RTRAF: variants seen among roughly 807,000 people sequenced by gnomAD.
RTRAF encodes the protein RNA transcription, translation and transport factor.
RTRAF carries 14 observed loss-of-function variants against 34.4 expected under a neutral mutation model. The ratio of observed to expected loss-of-function variants is 0.41; its 90% confidence interval spans 0.27 to 0.64. The LOEUF is 0.64. Ranked by LOEUF, RTRAF falls within the 30% of genes least tolerant of loss-of-function variation. The pLI is 0.34. For missense variants in RTRAF, 291 were observed against 288.4 expected (o/e 1.01, Z -0.06); for synonymous variants, 96 against 95.3 (o/e 1.01, Z -0.04).
chr14:51,989,569 G>C lies in RTRAF; in HGVS notation c.-71G>C. The C allele has an allele frequency of 6.7e-7, 1 of 1,503,230 alleles. No individual in the cohort carries two copies. The highest frequency in any genetic ancestry group is 9.0e-7 in the Non-Finnish European group (1 of 1,111,238). 93.1% of individuals were successfully genotyped at this position (1,503,230 alleles called of 1,614,324 possible). On this transcript the variant is annotated 5_prime_UTR_variant, in exon 1 of 8. Transcript: ENST00000261700. Reference sequence around the variant, plus strand: ...CCCTCTCGCCGCGTCGCCGGTGCCTGCGCCTCCCGCTCCACCTCGCTTCTT... The same window carrying C: ...CCCTCTCGCCGCGTCGCCGGTGCCTCCGCCTCCCGCTCCACCTCGCTTCTT...
At chr14:52,003,007 C>G (rs1461451591) in intron 6 of RTRAF, among the ~76,000 whole-genome samples, 1 of 152,166 alleles carries the variant, frequency 6.6e-6, no homozygotes, top group Non-Finnish European at 1.5e-5. Flanking sequence ...ATCATTCATT[C>G]ATTCATTCCT....
chr14:52,008,071 T>A lies in RTRAF; in HGVS notation c.*3555T>A. On this transcript the variant is annotated 3_prime_UTR_variant, in exon 8 of 8. Coordinates refer to ENST00000261700, the MANE Select transcript of RTRAF (RefSeq NM_016039.3). ...CTCCATCTCCTCATGTATTATAGCC[T>A]TAAGCAATCCCCTTGAGTTTGGGCT... 1.1e-6 allele frequency: 1 copy of A among 889,126 alleles called. No individual in the cohort carries two copies. Among genetic ancestry groups the A allele is most frequent in the Non-Finnish European group, 1.7e-6 (1 of 584,768 alleles). The allele number at this position is 889,126 out of a possible 1,614,324, so 55.1% of individuals were successfully genotyped here. A position where few individuals can be genotyped will look rare whatever the true frequency, so the allele number is the denominator to read the frequency against.
In RTRAF at chr14:52,009,027, T is replaced by G. The variant is rs571832579; in HGVS notation, c.*4511T>G. 1 of 152,350 alleles carries G rather than the reference T, an allele frequency of 6.6e-6. No homozygotes were observed. Among genetic ancestry groups the G allele is most frequent in the African/African-American group, 2.4e-5 (1 of 41,580 alleles). The allele number at this position is 152,350 out of a possible 1,614,324, so 9.4% of individuals were successfully genotyped here. A position where few individuals can be genotyped will look rare whatever the true frequency, so the allele number is the denominator to read the frequency against. On this transcript the variant is annotated 3_prime_UTR_variant, in exon 8 of 8. Coordinates refer to ENST00000261700, the MANE Select transcript of RTRAF (RefSeq NM_016039.3). ...AGCAGAAATAATGTTGAAAGCACTT[T>G]TTATAAAATACTATTTTATAAAAGC...
At chr14:51,994,368 A>G (rs1277669302) in intron 3 of RTRAF, among the ~76,000 whole-genome samples, 1 of 152,206 alleles carries the variant, frequency 6.6e-6, no homozygotes, top group Non-Finnish European at 1.5e-5. Flanking sequence ...ATCTAAATGC[A>G]AGATTTGATT....
At chr14:51,993,525 G>A (rs957053830) in intron 2 of RTRAF, among the ~76,000 whole-genome samples, 198 bp from the exon 3 acceptor site, 5 of 152,028 alleles carry the variant, frequency 3.3e-5, no homozygotes, top group Admixed American at 2.0e-4. Context: ...GGAAGTTGTC[G>A]TATTCTATTT....
intron 6 of RTRAF, 88 bp downstream of exon 6, chr14:52,001,954 G>C: frequency 8.8e-7 from 1 of 1,130,748 alleles, no homozygotes; most frequent in South Asian, 1.5e-5. Flanking sequence ...ATCTGTTTAA[G>C]ATATCCATTC....
chr14:52,005,480 C>T lies in RTRAF; in HGVS notation c.*964C>T. ...AAACTCCAAGTCTTCCTTTACATTACTGTACTTACTTTCTTCCTGTGAGAG... is the reference window on the plus strand; with the variant it reads ...AAACTCCAAGTCTTCCTTTACATTATTGTACTTACTTTCTTCCTGTGAGAG... On this transcript the variant is annotated 3_prime_UTR_variant, in exon 8 of 8. Coordinates refer to ENST00000261700, the MANE Select transcript of RTRAF (RefSeq NM_016039.3). 2.5e-6 allele frequency: 4 copies of T among 1,595,616 alleles called. No individual in the cohort carries two copies. The highest frequency in any genetic ancestry group is 3.4e-6 in the Non-Finnish European group (4 of 1,172,984).
Position 52,006,318 on chromosome 14 carries a change from AT to A in RTRAF, c.*1803del, listed in dbSNP as rs1890780165. ...CTACTTTTTAAGCTATATGTGAGCAATACCATTCGATTTCTGGGTGAAGTAA... is the reference window on the plus strand; with the variant it reads ...CTACTTTTTAAGCTATATGTGAGCAAACCATTCGATTTCTGGGTGAAGTAA... On this transcript the variant is annotated 3_prime_UTR_variant, in exon 8 of 8. Coordinates refer to ENST00000261700, the MANE Select transcript of RTRAF (RefSeq NM_016039.3). The A allele has an allele frequency of 3.8e-6, 2 of 523,238 alleles. No individual in the cohort carries two copies. The highest frequency in any genetic ancestry group is 3.3e-5 in the Admixed American group (1 of 29,900). 32.4% of individuals were successfully genotyped at this position (523,238 alleles called of 1,614,324 possible).
In RTRAF at chr14:51,997,169, G is replaced by T. The variant is rs187492615; in HGVS notation, c.287-1325G>T. Among the ~76,000 whole-genome samples the T allele has an allele frequency of 7.2e-5, 11 of 152,056 alleles. No individual in the cohort carries two copies. The East Asian group carries it at 2.1e-3, about 29-fold the overall frequency. ...TGTAATAAATATATCTTGTGGGGAG[G>T]TACTTTGAGACTGTATCAATTATGT... On this transcript the variant is annotated intron_variant, in intron 3 of 7. Transcript: ENST00000261700.
chr14:51,991,500 T>G, intron 2 of RTRAF, 59 bp downstream of exon 2: 1 of 1,526,336 alleles, frequency 6.6e-7, no homozygotes, highest in African/African-American at 1.4e-5. Flanking sequence ...ATCATGAAGA[T>G]GAGCTTAAAA....
At position 52,004,356 on chromosome 14, in the gene RTRAF, A is replaced by AAACAGATGCAGTTCT; in HGVS notation, c.581-5_590dup. ...ATTGAAGCAGTGTTCTTTTCTCATAAAACAGATGCAGTTCTTAATGAAGCT... is the reference window on the plus strand; with the variant it reads ...ATTGAAGCAGTGTTCTTTTCTCATAAAACAGATGCAGTTCTAACAGATGCAGTTCTTAATGAAGCT... On this transcript the variant is annotated splice_region_variant and splice_polypyrimidine_tract_variant and intron_variant, in intron 7 of 7. Coordinates refer to ENST00000261700, the MANE Select transcript of RTRAF (RefSeq NM_016039.3). 1 of 1,613,012 alleles carries AAACAGATGCAGTTCT rather than the reference A, an allele frequency of 6.2e-7. No homozygotes were observed. Among genetic ancestry groups the AAACAGATGCAGTTCT allele is most frequent in the Non-Finnish European group, 8.5e-7 (1 of 1,179,564 alleles).
At chr14:51,998,385 G>C (rs1405303878) in intron 3 of RTRAF, 109 bp from the exon 4 acceptor site, 1 of 592,132 alleles carries the variant, frequency 1.7e-6, no homozygotes, top group Non-Finnish European at 2.9e-6. Context: ...TTTCCAGTAA[G>C]GGAAACTCAA....
chr14:52,005,963 C>G lies in RTRAF; in HGVS notation c.*1447C>G. On this transcript the variant is annotated 3_prime_UTR_variant, in exon 8 of 8. Coordinates refer to ENST00000261700, the MANE Select transcript of RTRAF (RefSeq NM_016039.3). ...GAAAATTTCTGGCAGCCTTCTCTGT[C>G]CCAGGGCTGGTGCTAAAGCCATACT... The G allele has an allele frequency of 2.8e-6, 2 of 727,016 alleles. No homozygotes were observed. The highest frequency in any genetic ancestry group is 4.8e-6 in the Non-Finnish European group (2 of 412,440). 45.0% of individuals were successfully genotyped at this position (727,016 alleles called of 1,614,324 possible). A position where few individuals can be genotyped will look rare whatever the true frequency, so the allele number is the denominator to read the frequency against.
rs1890714313 is a variant in RTRAF at position 52,005,198 on chromosome 14, T to TAAATATTAATGATAAATGTTTA, written c.*683_*704dup. ...TCTTAGTTGAATGAATTTGATCTTT[T>TAAATATTAATGATAAATGTTTA]AAATATTAATGATAAATGTTTACAA... is the stretch of plus-strand genomic sequence containing the variant. On this transcript the variant is annotated 3_prime_UTR_variant, in exon 8 of 8. Coordinates refer to ENST00000261700, the MANE Select transcript of RTRAF (RefSeq NM_016039.3). The TAAATATTAATGATAAATGTTTA allele has an allele frequency of 6.8e-6, 2 of 296,074 alleles. No individual in the cohort carries two copies. The highest frequency in any genetic ancestry group is 2.2e-5 in the African/African-American group (1 of 46,280). The allele number at this position is 296,074 out of a possible 1,614,324, so 18.3% of individuals were successfully genotyped here.
Position 52,007,883 on chromosome 14 carries a change from G to T in RTRAF, c.*3367G>T. On this transcript the variant is annotated 3_prime_UTR_variant, in exon 8 of 8. Transcript: ENST00000261700. Reference sequence around the variant, plus strand: ...CATTGGGCAATCCAATGTCTGTATTGATCAGAATTCTTCTGTTTTCTCCAT... The same window carrying T: ...CATTGGGCAATCCAATGTCTGTATTTATCAGAATTCTTCTGTTTTCTCCAT... 6.2e-7 allele frequency: 1 copy of T among 1,613,786 alleles called. No individual in the cohort carries two copies. Among genetic ancestry groups the T allele is most frequent in the South Asian group, 1.1e-5 (1 of 91,032 alleles).
In RTRAF at chr14:51,999,734, G is replaced by A; in HGVS notation, c.400G>A (p.Val134Met). ...DVNNPDFKAG[V>M]MALANLLQIQ... is the part of the protein sequence containing the mutation. ...AAATAATCCTGATTTTAAGGCTGGT[G>A]TGATGGCTTTGGCTAACCTGCTTCA... The change falls in exon 5 of 8, where the codon GTG (valine) becomes ATG (methionine). Residue 134 changes from valine (V) to methionine (M), a missense_variant. Physicochemically the swap from Val to Met is conservative, Grantham distance 21. Transcript: ENST00000261700. The A allele has an allele frequency of 6.2e-7, 1 of 1,610,166 alleles. No homozygotes were observed. The highest frequency in any genetic ancestry group is 8.5e-7 in the Non-Finnish European group (1 of 1,177,154).
At chr14:51,993,112 CAGTA>C (rs57358451) in intron 2 of RTRAF, among the ~76,000 whole-genome samples, 25,230 of 152,012 alleles carry the variant, frequency 0.17, 2,462 homozygotes, top group Middle Eastern at 0.22. Context: ...CCTGGAATGA[CAGTA>C]AGAATAATTT....
chr14:51,990,860 C>G (rs1245590131), intron 1 of RTRAF, among the ~76,000 whole-genome samples: 1 of 152,132 alleles, frequency 6.6e-6, no homozygotes, highest in African/African-American at 2.4e-5. Flanking sequence ...ATAAATTTAA[C>G]CTTGCCCTCC....
At chr14:51,989,723 G>A (rs753686765) in intron 1 of RTRAF, 23 bp downstream of exon 1, 1 of 1,586,886 alleles carries the variant, frequency 6.3e-7, no homozygotes, top group Non-Finnish European at 8.6e-7. Flanking sequence ...CCTCAGCCCG[G>A]CCGCGTGTCC....
Sources: allele counts gnomAD v4.1 joint callset (sites outside exome capture counted in the v4.1 genomes callset), GRCh38; gene constraint gnomAD v4.1.1; transcripts MANE v1.5; gene names NCBI Gene and HGNC (gene_info 2026-07-23, HGNC 2026-07-21).